Variants in LMBRD2 observed in about 807,000 individuals in gnomAD.
LMBRD2 encodes the protein G protein-coupled receptor-associated protein LMBRD2.
A neutral mutation model predicts 94.4 loss-of-function variants in LMBRD2; 55 were observed. That is an observed-to-expected ratio of 0.58 (90% CI 0.47 to 0.73). The LOEUF is 0.73. LMBRD2 is among the 30% of genes least tolerant of loss of function. The probability of loss-of-function intolerance (pLI) is 0.00; values close to 1 mark genes in which losing one functional copy is unlikely to be tolerated. For synonymous variants in LMBRD2, 246 were observed against 272.4 expected (o/e 0.90, Z 0.95); for missense variants, 640 against 831.9 (o/e 0.77, Z 2.84).
intron 10 of LMBRD2, among the ~76,000 whole-genome samples, chr5:36,117,039 T>C (rs1743764200): frequency 6.6e-6 from 1 of 152,038 alleles, no homozygotes; most frequent in African/African-American, 2.4e-5. Flanking sequence ...AGAGAATTTT[T>C]TAATCACCCA....
At chr5:36,143,471 C>T in intron 1 of LMBRD2, 65 bp from the exon 2 acceptor site, 1 of 646,928 alleles carries the variant, frequency 1.5e-6, no homozygotes, top group Admixed American at 3.3e-5. Context: ...GAAATTTCAT[C>T]TGAATATTTA....
intron 13 of LMBRD2, among the ~76,000 whole-genome samples, chr5:36,111,707 TACAAG>T (rs200737158): frequency 0.014 from 2,193 of 152,134 alleles, 54 homozygotes; most frequent in African/African-American, 0.05. Context: ...TTGATTGTTG[TACAAG>T]ACAAGAATAC....
chr5:36,116,697 G>A, intron 10 of LMBRD2, 104 bp from the exon 11 acceptor site: 1 of 1,175,706 alleles, frequency 8.5e-7, no homozygotes, highest in South Asian at 1.4e-5. Context: ...GTTTTTTTGA[G>A]ATGGAGTCTC....
At position 36,108,516 on chromosome 5, in the gene LMBRD2, A is replaced by G. The variant is rs1384452204; in HGVS notation, c.1897+18T>C. The G allele has an allele frequency of 3.0e-6, 4 of 1,327,818 alleles. No homozygotes were observed. Among genetic ancestry groups the G allele is most frequent in the African/African-American group, 1.5e-5 (1 of 68,888 alleles). The allele number at this position is 1,327,818 out of a possible 1,614,324, so 82.3% of individuals were successfully genotyped here. A position where few individuals can be genotyped will look rare whatever the true frequency, so the allele number is the denominator to read the frequency against. ...TAAGAAAACAATTTCCAAGTGAACT[A>G]GAAGATAAACTACTTACAACGGTTG... is the stretch of plus-strand genomic sequence containing the variant. On this transcript the variant is annotated intron_variant, in intron 16 of 17. Transcript: ENST00000296603.
intron 3 of LMBRD2, among the ~76,000 whole-genome samples, chr5:36,142,202 A>G (rs1744425595): frequency 6.6e-6 from 1 of 152,220 alleles, no homozygotes; most frequent in African/African-American, 2.4e-5. Context: ...GGCTGAGAGG[A>G]AAAACAGGTT....
Position 36,117,893 on chromosome 5 carries a change from G to T in LMBRD2, c.1144C>A (p.Arg382=), listed in dbSNP as rs929608200. The T allele has an allele frequency of 1.2e-6, 2 of 1,609,914 alleles. No homozygotes were observed. Among genetic ancestry groups the T allele is most frequent in the African/African-American group, 2.7e-5 (2 of 74,728 alleles). ...TFEWYWECLL[R]PWFYKILAVV... ...GCAAGTATCTTGTAAAACCATGGTC[G>T]CAAAAGACATTCCCAGTACCATTCT... Residue 382 remains arginine, a synonymous_variant, in exon 10 of 18, where the codon CGA becomes AGA. Transcript: ENST00000296603.
At chr5:36,133,514 A>G (rs1031980694) in intron 6 of LMBRD2, among the ~76,000 whole-genome samples, 10 of 152,178 alleles carry the variant, frequency 6.6e-5, no homozygotes, top group African/African-American at 2.2e-4. Flanking sequence ...TTTGTAACAT[A>G]AAGAAAAATA....
chr5:36,110,001 G>A lies in LMBRD2; in HGVS notation c.1745-10C>T. On this transcript the variant is annotated splice_polypyrimidine_tract_variant and intron_variant, in intron 14 of 17. Transcript: ENST00000296603. The stretch of plus-strand genomic sequence containing the variant: ...TGCCTTTTTCTCTTCTCTAAAGACA[G>A]AAAAATGATCTCAAATATGGCATAA... The A allele has an allele frequency of 6.2e-7, 1 of 1,603,168 alleles. No homozygotes were observed. Among genetic ancestry groups the A allele is most frequent in the Non-Finnish European group, 8.5e-7 (1 of 1,171,508 alleles).
At chr5:36,111,811 A>T (rs1458888356) in intron 13 of LMBRD2, among the ~76,000 whole-genome samples, 1 of 152,122 alleles carries the variant, frequency 6.6e-6, no homozygotes, top group Non-Finnish European at 1.5e-5. Context: ...GATAATTTAC[A>T]GATGCCTTCT....
Position 36,150,727 on chromosome 5 carries a change from G to T in LMBRD2, c.-58+829C>A, listed in dbSNP as rs75603609. 1.5e-3 allele frequency among the ~76,000 whole-genome samples: 226 copies of T among 152,304 alleles called. 2 individuals carry two copies. In the East Asian group the frequency reaches 0.034, roughly 23 times the overall value. On this transcript the variant is annotated intron_variant, in intron 1 of 17. Transcript: ENST00000296603. ...CTAGTTCCAATCAAAACCAAGTTGT[G>T]AACAGATCCCTTCTTTACACCAATC...
intron 4 of LMBRD2, among the ~76,000 whole-genome samples, chr5:36,138,667 C>T (rs1273475199): frequency 6.6e-6 from 1 of 152,188 alleles, no homozygotes; most frequent in Non-Finnish European, 1.5e-5. Flanking sequence ...TCAAACTAAA[C>T]ACAATCTATG....
intron 4 of LMBRD2, among the ~76,000 whole-genome samples, chr5:36,139,435 T>C (rs1455264959): frequency 6.6e-6 from 1 of 152,114 alleles, no homozygotes; most frequent in African/African-American, 2.4e-5. Flanking sequence ...GCAGATAGGC[T>C]CCTGGGCAGA....
intron 2 of LMBRD2, 152 bp downstream of exon 2, chr5:36,143,024 C>T: frequency 1.6e-6 from 1 of 639,418 alleles, no homozygotes; most frequent in Non-Finnish European, 2.6e-6. Flanking sequence ...CACGCCCGGC[C>T]CTTGGCTATG....
chr5:36,142,129 T>C (rs2111909500), intron 3 of LMBRD2, among the ~76,000 whole-genome samples: 1 of 152,310 alleles, frequency 6.6e-6, no homozygotes, highest in East Asian at 1.9e-4. Flanking sequence ...ATACTTGTCT[T>C]TATTATAACC....
chr5:36,135,540 T>G (rs267756), intron 6 of LMBRD2, among the ~76,000 whole-genome samples: 2,033 of 152,238 alleles, frequency 0.013, 45 homozygotes, highest in African/African-American at 0.047. Flanking sequence ...ATAGGCCAAA[T>G]TATTTTTCTG....
At chr5:36,114,554 A>T (rs1743693440) in intron 12 of LMBRD2, 33 bp from the exon 13 acceptor site, 12 of 1,510,060 alleles carry the variant, frequency 7.9e-6, no homozygotes, top group Middle Eastern at 1.8e-4. Context: ...GTTAAATTGG[A>T]ATAGCTCTAT....
chr5:36,142,703 G>A (rs184663946), intron 2 of LMBRD2, 104 bp from the exon 3 acceptor site: 81 of 634,026 alleles, frequency 1.3e-4, no homozygotes, highest in Admixed American at 9.7e-4. Context: ...TACCTTCTTG[G>A]CTATGCTTTA....
chr5:36,131,688 C>G (rs1744156136), intron 6 of LMBRD2, among the ~76,000 whole-genome samples: 1 of 152,102 alleles, frequency 6.6e-6, no homozygotes, highest in South Asian at 2.1e-4. Flanking sequence ...TATATGTCAA[C>G]CGTGAACAAT....
chr5:36,114,529 G>T lies in LMBRD2; in HGVS notation c.1543-8C>A, dbSNP rs1301482892. The T allele has an allele frequency of 6.6e-7, 1 of 1,516,508 alleles. No homozygotes were observed. Among genetic ancestry groups the T allele is most frequent in the African/African-American group, 1.5e-5 (1 of 68,906 alleles). The allele number at this position is 1,516,508 out of a possible 1,614,324, so 93.9% of individuals were successfully genotyped here. ...TTTCATGGAACCCATAATCTGAAGA[G>T]CAAGAAAAAAGTAAGTTAAATTGGA... On this transcript the variant is annotated splice_region_variant and splice_polypyrimidine_tract_variant and intron_variant, in intron 12 of 17. Coordinates refer to ENST00000296603, the MANE Select transcript of LMBRD2 (RefSeq NM_001007527.2).
Sources: allele counts gnomAD v4.1 joint callset (sites outside exome capture counted in the v4.1 genomes callset), GRCh38; gene constraint gnomAD v4.1.1; transcripts MANE v1.5; gene names NCBI Gene and HGNC (gene_info 2026-07-23, HGNC 2026-07-21).